The following KDM5B variants were observed in gnomAD, a reference collection of about 807,000 sequenced individuals.
KDM5B encodes lysine-specific demethylase 5B.
Under a neutral mutation model 193.4 loss-of-function variants are expected in KDM5B, and 144 were observed. The ratio of observed to expected loss-of-function variants is 0.74; its 90% CI spans 0.65 to 0.86. The LOEUF is 0.86. Among genes scored for constraint, KDM5B ranks in the 40% least tolerant of loss-of-function variants. The pLI, the probability that KDM5B is intolerant of heterozygous loss-of-function variation, is 0.00. For synonymous variants in KDM5B, 668 were observed against 682.6 expected, an observed-to-expected ratio of 0.98 and a Z score of 0.33; for missense variants, 1,833 against 1,886.9, an observed-to-expected ratio of 0.97 and a Z score of 0.53.
intron 1 of KDM5B, among the ~76,000 whole-genome samples, chr1:202,807,636 G>GC (rs1004903737): frequency 2.0e-5 from 3 of 151,088 alleles, no homozygotes; most frequent in African/African-American, 7.3e-5. Flanking sequence ...ACGACAACTC[G>GC]CAAGTCCCCC....
At chr1:202,792,934 T>C (rs1017253671) in intron 1 of KDM5B, among the ~76,000 whole-genome samples, 1 of 151,132 alleles carries the variant, frequency 6.6e-6, no homozygotes, top group Non-Finnish European at 1.5e-5. Flanking sequence ...GAGGCAGAGG[T>C]TGCAGTGAGC....
intron 8 of KDM5B, 129 bp from the exon 9 acceptor site, chr1:202,758,639 A>G (rs1325608002): frequency 3.2e-6 from 2 of 625,214 alleles, no homozygotes; most frequent in Non-Finnish European, 4.8e-6. Context: ...GGTCTACATT[A>G]TAAAAATAAA....
chr1:202,755,413 C>T lies in KDM5B; in HGVS notation c.1396G>A (p.Val466Met). Residue 466 changes from valine to methionine, a missense_variant, in exon 11 of 27, where the codon GTG becomes ATG. Val to Met is a conservative substitution (Grantham distance 21). Transcript: ENST00000367265. The part of the protein sequence containing the change: ...DSGWNLNNMP[V>M]MEQSVLAHIT... ...TGTGCAAGGACAGACTGCTCCATCA[C>T]TGGCATGTTGTTCAAATTCCAGCCA... 6.2e-7 allele frequency: 1 copy of T among 1,613,860 alleles called. No homozygotes were observed. The highest frequency in any genetic ancestry group is 1.1e-5 in the South Asian group (1 of 91,056).
At chr1:202,804,058 T>C (rs1423729250) in intron 1 of KDM5B, among the ~76,000 whole-genome samples, 1 of 151,922 alleles carries the variant, frequency 6.6e-6, no homozygotes, top group Non-Finnish European at 1.5e-5. Context: ...GTTGTACACA[T>C]GTACCCTAGA....
At chr1:202,798,324 T>C (rs1282312122) in intron 1 of KDM5B, among the ~76,000 whole-genome samples, 2 of 142,834 alleles carry the variant, frequency 1.4e-5, no homozygotes, top group Non-Finnish European at 3.0e-5. Context: ...TTTGTACAGA[T>C]AGGGTCTGCT....
At chr1:202,799,400 TC>T (rs997750034) in intron 1 of KDM5B, among the ~76,000 whole-genome samples, 1 of 152,194 alleles carries the variant, frequency 6.6e-6, no homozygotes, top group African/African-American at 2.4e-5. Flanking sequence ...GCGCCTGTAA[TC>T]CCAGCACTTT....
intron 26 of KDM5B, chr1:202,729,378 C>A: frequency 1.6e-6 from 1 of 638,786 alleles, no homozygotes; most frequent in African/African-American, 1.8e-5. Context: ...CAAGTCGTGT[C>A]TGCTTTGGGG....
rs776121987 is a variant in KDM5B, at chr1:202,740,848, TATG to T, written c.2946-39_2946-37del. The T allele has an allele frequency of 2.0e-5, 32 of 1,568,074 alleles. No homozygotes were observed. In the Middle Eastern group the frequency reaches 9.0e-4, roughly 44 times the overall value. On this transcript the variant is annotated intron_variant, in intron 19 of 26. Transcript: ENST00000367265. ...CAAACAAAGACTTCTTAGCATTTTA[TATG>T]ATGGTTCATTTTTCTTATGGTTACC...
intron 1 of KDM5B, among the ~76,000 whole-genome samples, chr1:202,801,172 T>C (rs1010465489): frequency 6.6e-6 from 1 of 152,216 alleles, no homozygotes; most frequent in Non-Finnish European, 1.5e-5. Context: ...TGCTTCACAT[T>C]TTTTGTAATA....
chr1:202,796,660 G>A (rs1363021958), intron 1 of KDM5B: 1 of 161,394 alleles, frequency 6.2e-6, no homozygotes, highest in East Asian at 1.6e-4. Flanking sequence ...CACTGTGGCT[G>A]TGCCGGGGCC....
At chr1:202,734,414 TATG>T (rs1558480560) in intron 22 of KDM5B, among the ~76,000 whole-genome samples, 7 of 150,818 alleles carry the variant, frequency 4.6e-5, no homozygotes, top group African/African-American at 9.8e-5. Context: ...GTGTGGGTTA[TATG>T]ATAACAAGGT....
At chr1:202,764,945 C>A (rs1656390574) in intron 5 of KDM5B, among the ~76,000 whole-genome samples, 1 of 152,228 alleles carries the variant, frequency 6.6e-6, no homozygotes, top group Non-Finnish European at 1.5e-5. Context: ...CCACTATACT[C>A]CAGCCTGGGC....
rs774430398 is a variant in KDM5B at position 202,729,032 on chromosome 1, G to A, written c.*4C>T. 4 of 1,613,976 alleles carry A rather than the reference G, an allele frequency of 2.5e-6. No homozygotes were observed. Among genetic ancestry groups the A allele is most frequent in the Non-Finnish European group, 3.4e-6 (4 of 1,179,920 alleles). ...TAAGTAGGGGGGTATCTGTTTTTGT[G>A]TTTTTACTTTCGGCTTGGTGCGTCC... On this transcript the variant is annotated 3_prime_UTR_variant, in exon 27 of 27. Coordinates refer to ENST00000367265, the MANE Select transcript of KDM5B (RefSeq NM_006618.5).
intron 23 of KDM5B, among the ~76,000 whole-genome samples, chr1:202,733,194 G>A (rs773231412): frequency 6.6e-6 from 1 of 152,098 alleles, no homozygotes; most frequent in Admixed American, 6.5e-5. Context: ...AAGAGTGCCT[G>A]GGAAACAACT....
chr1:202,761,413 C>T (rs1656245132), intron 7 of KDM5B, among the ~76,000 whole-genome samples: 2 of 152,150 alleles, frequency 1.3e-5, no homozygotes, highest in Admixed American at 1.3e-4. Flanking sequence ...CACTATACTC[C>T]AGCCATCTCT....
At chr1:202,746,916 A>G (rs962731924) in intron 14 of KDM5B, among the ~76,000 whole-genome samples, 6 of 152,180 alleles carry the variant, frequency 3.9e-5, no homozygotes, top group Admixed American at 1.3e-4. Flanking sequence ...TTTCCTCCTA[A>G]AAGACTGTCA....
At chr1:202,757,497 AC>A (rs1481749943) in intron 9 of KDM5B, among the ~76,000 whole-genome samples, 1 of 152,242 alleles carries the variant, frequency 6.6e-6, no homozygotes, top group African/African-American at 2.4e-5. Context: ...GTCAAAATAT[AC>A]AGTTAACCAC....
chr1:202,789,196 T>C (rs978990272), intron 1 of KDM5B, among the ~76,000 whole-genome samples: 1 of 152,050 alleles, frequency 6.6e-6, no homozygotes, highest in African/African-American at 2.4e-5. Flanking sequence ...CAATATCCCA[T>C]CTAAAGATGA....
At position 202,746,342 on chromosome 1, in the gene KDM5B, T is replaced by C. The variant is rs764187163; in HGVS notation, c.2017-19A>G. 3.2e-6 allele frequency: 5 copies of C among 1,547,962 alleles called. No homozygotes were observed. Among genetic ancestry groups the C allele is most frequent in the Non-Finnish European group, 3.5e-6 (4 of 1,139,394 alleles). ...TCACTCCCTAGAATAAAGTATACTT[T>C]AGAGAGACCTCCAAAGGATAATATA... is the stretch of plus-strand genomic sequence containing the variant. On this transcript the variant is annotated intron_variant, in intron 14 of 26. Transcript: ENST00000367265.
Sources: allele counts gnomAD v4.1 joint callset (sites outside exome capture counted in the v4.1 genomes callset), GRCh38; gene constraint gnomAD v4.1.1; transcripts MANE v1.5; gene names NCBI Gene and HGNC (gene_info 2026-07-23, HGNC 2026-07-21).